SHISA9: variants seen among roughly 807,000 people sequenced by gnomAD.
SHISA9 encodes shisa family member 9.
Under a neutral mutation model 38.0 loss-of-function variants are expected in SHISA9, and 13 were observed. The ratio of observed to expected loss-of-function variants is 0.34; its 90% CI spans 0.22 to 0.54. The LOEUF is 0.54. Among genes scored for constraint, SHISA9 ranks in the 20% least tolerant of loss-of-function variants. The probability of loss-of-function intolerance (pLI) is 0.91; values close to 1 mark genes in which losing one functional copy is unlikely to be tolerated. For missense variants in SHISA9, 538 were observed against 575.8 expected (o/e 0.93, Z 0.67); for synonymous variants, 275 against 242.0 (o/e 1.14, Z -1.27).
At chr16:13,533,514 A>T in the SHISA9 span, among the ~76,000 whole-genome samples, 11 of 152,112 alleles carry the variant, frequency 7.2e-5, no homozygotes, top group Non-Finnish European at 1.3e-4. Context: ...CTCCAATCTT[A>T]GAAAATTGAT....
chr16:13,277,070 C>T, the SHISA9 span, among the ~76,000 whole-genome samples: 1 of 152,128 alleles, frequency 6.6e-6, no homozygotes, highest in Non-Finnish European at 1.5e-5. Flanking sequence ...AGTCCTTAAT[C>T]CATCTTGTGT....
intron 2 of SHISA9, among the ~76,000 whole-genome samples, chr16:13,175,039 G>A (rs1050113230): frequency 6.6e-6 from 1 of 152,138 alleles, no homozygotes; most frequent in Non-Finnish European, 1.5e-5. Context: ...CCTATCGGAT[G>A]CTAGCTCTTG....
the SHISA9 span, among the ~76,000 whole-genome samples, chr16:13,429,581 T>A: frequency 6.6e-6 from 1 of 152,166 alleles, no homozygotes; most frequent in African/African-American, 2.4e-5. Flanking sequence ...CAGCATCACT[T>A]CTTCTTAACT....
the SHISA9 span, among the ~76,000 whole-genome samples, chr16:13,555,339 G>A: frequency 2.0e-5 from 3 of 152,092 alleles, no homozygotes; most frequent in Non-Finnish European, 4.4e-5. Context: ...CCATATAGAA[G>A]CGTTTTTTGA....
At chr16:13,360,037 T>G in the SHISA9 span, among the ~76,000 whole-genome samples, 3 of 152,282 alleles carry the variant, frequency 2.0e-5, no homozygotes, top group South Asian at 2.1e-4. Context: ...TTGGGGAACT[T>G]GACTTGCTGG....
chr16:13,044,825 C>CTTT (rs2073168848), intron 2 of SHISA9, among the ~76,000 whole-genome samples: 1 of 152,206 alleles, frequency 6.6e-6, no homozygotes. Flanking sequence ...ACTTAAAGCC[C>CTTT]TTTTATATAG....
chr16:13,125,054 G>T (rs1289853234), intron 2 of SHISA9, among the ~76,000 whole-genome samples: 1 of 152,064 alleles, frequency 6.6e-6, no homozygotes, highest in Non-Finnish European at 1.5e-5. Context: ...ACGTTGAAGT[G>T]GGCAAAGATT....
chr16:12,951,377 A>G (rs2071755315), intron 2 of SHISA9, among the ~76,000 whole-genome samples: 1 of 152,124 alleles, frequency 6.6e-6, no homozygotes, highest in Non-Finnish European at 1.5e-5. Context: ...ATAAAAGACC[A>G]GACTGTAAAT....
intron 2 of SHISA9, among the ~76,000 whole-genome samples, chr16:13,142,994 A>ATTTTATTTTATTTTATTTTATTTTC (rs2050414841): frequency 1.4e-5 from 2 of 147,350 alleles, no homozygotes. Context: ...GTTTCCTTTT[A>ATTTTATTTTATTTTATTTTATTTTC]TTTTATTTTA....
intron 2 of SHISA9, among the ~76,000 whole-genome samples, chr16:13,108,302 T>G (rs555421680): frequency 4.6e-5 from 7 of 151,934 alleles, no homozygotes; most frequent in Admixed American, 4.0e-4. Flanking sequence ...CTAATTGTTT[T>G]GTTTTTTTGT....
the SHISA9 span, among the ~76,000 whole-genome samples, chr16:13,550,072 GAGA>G: frequency 6.6e-6 from 1 of 151,740 alleles, no homozygotes; most frequent in Non-Finnish European, 1.5e-5. Context: ...ACTCAATGAT[GAGA>G]AGGAGTGACC....
chr16:13,002,564 A>C (rs1183011098), intron 2 of SHISA9, among the ~76,000 whole-genome samples: 2 of 124,018 alleles, frequency 1.6e-5, no homozygotes, highest in African/African-American at 3.2e-5. Flanking sequence ...AGACAGTCTC[A>C]CTCTGTTGCC....
the SHISA9 span, among the ~76,000 whole-genome samples, chr16:13,557,068 C>T: frequency 2.0e-5 from 3 of 152,138 alleles, no homozygotes; most frequent in Non-Finnish European, 4.4e-5. Context: ...ATTCCCAGCA[C>T]TTAAAACAGT....
At chr16:13,513,426 G>T in the SHISA9 span, among the ~76,000 whole-genome samples, 2 of 152,176 alleles carry the variant, frequency 1.3e-5, no homozygotes, top group African/African-American at 4.8e-5. Context: ...CAAAGACAGC[G>T]CAGCAATTCC....
At chr16:13,158,679 G>A (rs1353415779) in intron 2 of SHISA9, among the ~76,000 whole-genome samples, 1 of 151,686 alleles carries the variant, frequency 6.6e-6, no homozygotes, top group East Asian at 1.9e-4. Flanking sequence ...TTTTCAACTT[G>A]TTGGAGGGAG....
At chr16:13,011,279 T>G (rs1313192967) in intron 2 of SHISA9, among the ~76,000 whole-genome samples, 1 of 151,930 alleles carries the variant, frequency 6.6e-6, no homozygotes, top group African/African-American at 2.4e-5. Context: ...GTTACTATAG[T>G]GAAGCAAATT....
At chr16:12,905,143 T>G (rs1449370510) in intron 1 of SHISA9, among the ~76,000 whole-genome samples, 1 of 152,214 alleles carries the variant, frequency 6.6e-6, no homozygotes, top group Non-Finnish European at 1.5e-5. Flanking sequence ...TGTGTGTGTG[T>G]GTGCAAGTAA....
At chr16:13,185,427 C>T (rs944042590) in intron 2 of SHISA9, among the ~76,000 whole-genome samples, 2 of 152,082 alleles carry the variant, frequency 1.3e-5, no homozygotes, top group African/African-American at 2.4e-5. Context: ...TGGTGTTGAA[C>T]TCTTGGCCTC....
the SHISA9 span, among the ~76,000 whole-genome samples, chr16:13,539,458 T>A: frequency 1.3e-5 from 2 of 150,864 alleles, no homozygotes; most frequent in Non-Finnish European, 3.0e-5. Flanking sequence ...ATTACAGGTG[T>A]CAACCACTAT....
Sources: allele counts gnomAD v4.1 joint callset (sites outside exome capture counted in the v4.1 genomes callset), GRCh38; gene constraint gnomAD v4.1.1; transcripts MANE v1.5; gene names NCBI Gene and HGNC (gene_info 2026-07-23, HGNC 2026-07-21).